Variants in PLCB1 observed in about 807,000 individuals in gnomAD.
PLCB1 encodes the protein 1-phosphatidylinositol 4,5-bisphosphate phosphodiesterase beta-1.
Under a neutral mutation model 161.8 loss-of-function variants are expected in PLCB1, and 46 were observed. That is an observed-to-expected ratio of 0.28 (90% CI 0.22 to 0.36). The LOEUF (loss-of-function observed/expected upper bound fraction) is 0.36, where lower values mean the gene tolerates loss of function less well. Among genes scored for constraint, PLCB1 ranks in the 10% least tolerant of loss-of-function variants. The probability of loss-of-function intolerance (pLI) is 1.00; values close to 1 mark genes in which losing one functional copy is unlikely to be tolerated. For synonymous variants in PLCB1, 517 were observed against 503.7 expected (o/e 1.03, Z -0.35); for missense variants, 1,016 against 1,472.5 (o/e 0.69, Z 5.07).
At chr20:8,478,482 A>G (rs980123272) in intron 3 of PLCB1, among the ~76,000 whole-genome samples, 9 of 152,208 alleles carry the variant, frequency 5.9e-5, no homozygotes, top group Non-Finnish European at 1.3e-4. Flanking sequence ...AACAGCTTCA[A>G]CAAAAGCAAA....
chr20:8,682,960 A>G (rs1990258434), intron 9 of PLCB1, among the ~76,000 whole-genome samples: 1 of 152,142 alleles, frequency 6.6e-6, no homozygotes, highest in Non-Finnish European at 1.5e-5. Context: ...TGTCATTTAT[A>G]CTAGTGAAAA....
At chr20:8,233,081 T>G (rs529065887) in intron 2 of PLCB1, among the ~76,000 whole-genome samples, 1 of 152,174 alleles carries the variant, frequency 6.6e-6, no homozygotes, top group Admixed American at 6.5e-5. Context: ...ATATGGCCAG[T>G]TAGATGGATT....
chr20:8,136,745 C>A (rs922332773), intron 1 of PLCB1, among the ~76,000 whole-genome samples: 31 of 151,930 alleles, frequency 2.0e-4, no homozygotes, highest in African/African-American at 7.0e-4. Flanking sequence ...GACCTTACTT[C>A]CATTCCCTTT....
rs143378277 is a variant in PLCB1, at chr20:8,663,146, A to G, written c.862+4442A>G. On this transcript the variant is annotated intron_variant, in intron 9 of 31. Coordinates refer to ENST00000338037, the MANE Select transcript of PLCB1 (RefSeq NM_015192.4). ...TGTTATAAAATGCTAAGCATAAGAT[A>G]CACACATAATATACATAATAGAATA... is the stretch of plus-strand genomic sequence containing the variant. Among the ~76,000 whole-genome samples, 274 of 152,016 alleles carry G rather than the reference A, an allele frequency of 1.8e-3. 1 individual carries two copies. Among genetic ancestry groups the G allele is most frequent in the African/African-American group, 6.5e-3 (271 of 41,496 alleles).
intron 3 of PLCB1, among the ~76,000 whole-genome samples, chr20:8,435,676 G>C (rs1980267124): frequency 6.6e-6 from 1 of 152,154 alleles, no homozygotes; most frequent in South Asian, 2.1e-4. Flanking sequence ...AATGAGCTTG[G>C]AAGTGGATTA....
rs1568612719 is a variant in PLCB1, at chr20:8,821,495, AAATAT to A, written c.3423+31235_3423+31239del. Among the ~76,000 whole-genome samples the A allele has an allele frequency of 8.5e-4, 6 of 7,026 alleles. 1 individual carries two copies. The highest frequency in any genetic ancestry group is 1.1e-3 in the Non-Finnish European group (4 of 3,622). 4.6% of individuals were successfully genotyped at this position (7,026 alleles called of 152,430 possible). A position where few individuals can be genotyped will look rare whatever the true frequency, so the allele number is the denominator to read the frequency against. ...TCCGTCTCAAAAAAAAAAAAAAAAAAAATATGTATATATATATATATATATATATA... is the reference window on the plus strand; with the variant it reads ...TCCGTCTCAAAAAAAAAAAAAAAAAAGTATATATATATATATATATATATA... On this transcript the variant is annotated intron_variant, in intron 31 of 31. Transcript: ENST00000338037.
At chr20:8,699,277 G>A (rs1990648324) in intron 11 of PLCB1, among the ~76,000 whole-genome samples, 1 of 152,180 alleles carries the variant, frequency 6.6e-6, no homozygotes, top group Non-Finnish European at 1.5e-5. Flanking sequence ...AGTAATTAAG[G>A]TGAGTGGAGA....
chr20:8,850,491 G>A (rs1227219848), intron 31 of PLCB1, among the ~76,000 whole-genome samples: 3 of 152,120 alleles, frequency 2.0e-5, no homozygotes, highest in Non-Finnish European at 4.4e-5. Context: ...TCTAACATCC[G>A]AAAAAATAGG....
intron 9 of PLCB1, among the ~76,000 whole-genome samples, chr20:8,668,327 T>C (rs550344863): frequency 2.0e-4 from 30 of 152,296 alleles, no homozygotes; most frequent in African/African-American, 7.0e-4. Context: ...TCTGAATCAC[T>C]ACAGTCTCTA....
chr20:8,796,563 T>C (rs1984035766), intron 31 of PLCB1, among the ~76,000 whole-genome samples: 1 of 152,240 alleles, frequency 6.6e-6, no homozygotes, highest in East Asian at 1.9e-4. Context: ...AGACAGTGTT[T>C]CTGCTCATTG....
chr20:8,348,082 G>A (rs193077314), intron 2 of PLCB1, among the ~76,000 whole-genome samples: 60 of 152,336 alleles, frequency 3.9e-4, no homozygotes, highest in Admixed American at 7.2e-4. Context: ...GAAAGATATG[G>A]TTGTGAACAC....
intron 2 of PLCB1, among the ~76,000 whole-genome samples, chr20:8,204,457 C>T (rs576956850): frequency 1.3e-5 from 2 of 152,148 alleles, no homozygotes; most frequent in South Asian, 2.1e-4. Flanking sequence ...GTCCTGGGCT[C>T]CAATCTCGGG....
intron 2 of PLCB1, among the ~76,000 whole-genome samples, chr20:8,222,504 C>G (rs1185815967): frequency 6.6e-6 from 1 of 151,972 alleles, no homozygotes; most frequent in Non-Finnish European, 1.5e-5. Context: ...TCAAAATTTT[C>G]TCTTTACTTT....
chr20:8,803,777 T>TTTTGTTTGTTTG (rs148420606), intron 31 of PLCB1, among the ~76,000 whole-genome samples: 2 of 151,016 alleles, frequency 1.3e-5, no homozygotes, highest in African/African-American at 2.5e-5. Flanking sequence ...GTTTTGTGTT[T>TTTTGTTTGTTTG]TTTGTTTGTT....
At chr20:8,250,391 A>G (rs1416351499) in intron 2 of PLCB1, among the ~76,000 whole-genome samples, 1 of 151,964 alleles carries the variant, frequency 6.6e-6, no homozygotes, top group African/African-American at 2.4e-5. Context: ...TGTCTATGTT[A>G]CAATTTTCGC....
At chr20:8,161,820 A>C (rs1028700438) in intron 2 of PLCB1, among the ~76,000 whole-genome samples, 7 of 150,246 alleles carry the variant, frequency 4.7e-5, no homozygotes, top group African/African-American at 1.7e-4. Context: ...ATTTGATTCT[A>C]ATGTACAGCC....
intron 31 of PLCB1, among the ~76,000 whole-genome samples, chr20:8,834,568 A>G (rs1879247846): frequency 6.6e-6 from 1 of 152,024 alleles, no homozygotes; most frequent in African/African-American, 2.4e-5. Context: ...TAATCCCAGC[A>G]CTTCAGGAAG....
intron 1 of PLCB1, among the ~76,000 whole-genome samples, chr20:8,145,875 G>A (rs1411966392): frequency 1.3e-5 from 2 of 152,200 alleles, no homozygotes; most frequent in Non-Finnish European, 2.9e-5. Context: ...TCATTAGTGA[G>A]CTATTTTCTA....
intron 2 of PLCB1, among the ~76,000 whole-genome samples, chr20:8,302,970 G>A (rs1355975446): frequency 1.3e-5 from 2 of 152,146 alleles, no homozygotes; most frequent in Non-Finnish European, 2.9e-5. Context: ...AATTGCAACC[G>A]ATTATACTGG....
Sources: allele counts gnomAD v4.1 joint callset (sites outside exome capture counted in the v4.1 genomes callset), GRCh38; gene constraint gnomAD v4.1.1; transcripts MANE v1.5; gene names NCBI Gene and HGNC (gene_info 2026-07-23, HGNC 2026-07-21).